HTR3B: variants seen among roughly 807,000 people sequenced by gnomAD.
The protein encoded by HTR3B is 5-hydroxytryptamine (serotonin) receptor 3B, ionotropic.
Under a neutral mutation model 42.8 loss-of-function variants are expected in HTR3B, and 44 were observed. That is an observed-to-expected ratio of 1.03 (90% CI 0.81 to 1.32). HTR3B has a LOEUF of 1.32. Among genes scored for constraint, HTR3B ranks in the 40% most tolerant of loss-of-function variants. The pLI is 0.00. For synonymous variants in HTR3B, 203 were observed against 209.0 expected, an observed-to-expected ratio of 0.97 and a Z score of 0.25; for missense variants, 527 against 536.5, an observed-to-expected ratio of 0.98 and a Z score of 0.17.
intron 2 of HTR3B, among the ~76,000 whole-genome samples, chr11:113,919,356 G>A (rs1949889741): frequency 6.6e-6 from 1 of 152,116 alleles, no homozygotes; most frequent in African/African-American, 2.4e-5. Flanking sequence ...CCCACAAAAT[G>A]ATGTTATTAT....
At chr11:113,936,492 C>A (rs955023229) in intron 6 of HTR3B, among the ~76,000 whole-genome samples, 1 of 151,980 alleles carries the variant, frequency 6.6e-6, no homozygotes, top group African/African-American at 2.4e-5. Flanking sequence ...TTATTGAATG[C>A]AGCTTATAAA....
chr11:113,944,511 A>C, intron 7 of HTR3B, 62 bp from the exon 8 acceptor site: 2 of 1,555,450 alleles, frequency 1.3e-6, no homozygotes, highest in Non-Finnish European at 1.8e-6. Flanking sequence ...TAAAGAAAAC[A>C]AAAAAATCTG....
chr11:113,905,802 G>A (rs1458280861), intron 1 of HTR3B, among the ~76,000 whole-genome samples: 1 of 152,148 alleles, frequency 6.6e-6, no homozygotes, highest in Non-Finnish European at 1.5e-5. Flanking sequence ...AGTGGAATGA[G>A]TCAATTATAG....
In HTR3B at chr11:113,946,272, A is replaced by AGGAGGATT. The variant is rs1950179037; in HGVS notation, c.*137_*144dup. ...TCCCAGTGCTTTGGGAGGCCATAGC[A>AGGAGGATT]GGAGGATTGCTTGAGCCCAGGAGTT... On this transcript the variant is annotated 3_prime_UTR_variant, in exon 9 of 9. Transcript: ENST00000260191. 5 of 673,568 alleles carry AGGAGGATT rather than the reference A, an allele frequency of 7.4e-6. No homozygotes were observed. In the African/African-American group the frequency reaches 8.9e-5, roughly 12 times the overall value. The allele number at this position is 673,568 out of a possible 1,614,324, so 41.7% of individuals were successfully genotyped here. A position where few individuals can be genotyped will look rare whatever the true frequency, so the allele number is the denominator to read the frequency against.
At chr11:113,942,924 C>A in intron 6 of HTR3B, 58 bp from the exon 7 acceptor site, 1 of 1,519,744 alleles carries the variant, frequency 6.6e-7, no homozygotes, top group African/African-American at 1.4e-5. Flanking sequence ...TGAATTTGGC[C>A]AAATCTGAGT....
At position 113,931,799 on chromosome 11, in the gene HTR3B, T is replaced by G. The variant is rs781003026; in HGVS notation, c.300T>G (p.Phe100Leu). Residue 100 changes from phenylalanine (F) to leucine (L), a missense_variant, in exon 4 of 9, where the codon TTT becomes TTG. Transcript: ENST00000260191. Reference protein sequence around the residue: ...DEFLSWNSSMFDEIREISLPL... With the variant: ...DEFLSWNSSMLDEIREISLPL... ...TTTTATCCTGGAACTCCAGCATGTT[T>G]GATGAGATTAGAGAGATCTCCCTAC... is the stretch of plus-strand genomic sequence containing the variant. 8 of 1,612,998 alleles carry G rather than the reference T, an allele frequency of 5.0e-6. No homozygotes were observed. The African/African-American group carries it at 5.3e-5, about 11-fold the overall frequency.
rs1244207275 is a variant in HTR3B at position 113,904,937 on chromosome 11, T to C, written c.4T>C (p.Leu2=). Reference sequence around the variant, plus strand: ...CCTTTTTGGGATCTGCCCAGGAATGTTGTCAAGTGTAATGGCTCCCCTGTG... The same window carrying C: ...CCTTTTTGGGATCTGCCCAGGAATGCTGTCAAGTGTAATGGCTCCCCTGTG... The part of the protein sequence containing the change: M[L]SSVMAPLWAC... The change falls in exon 1 of 9, where the codon TTG becomes CTG. Residue 2 remains leucine (L), a synonymous_variant. Coordinates refer to ENST00000260191, the MANE Select transcript of HTR3B (RefSeq NM_006028.5). 1.1e-5 allele frequency: 17 copies of C among 1,613,516 alleles called. No individual in the cohort carries two copies. The highest frequency in any genetic ancestry group is 1.4e-5 in the Non-Finnish European group (16 of 1,179,618).
intron 2 of HTR3B, among the ~76,000 whole-genome samples, chr11:113,913,350 A>ATTTTTTTTTTTTTTTTTTTTTTTT (rs71063533): frequency 2.9e-4 from 18 of 61,520 alleles, no homozygotes; most frequent in Admixed American, 5.1e-4. Flanking sequence ...TGTCTGGCTA[A>ATTTTTTTTTTTTTTTTTTTTTTTT]TTTTTTTTTT....
chr11:113,904,636 T>G (rs1591567313), upstream of HTR3B: 1 of 337,656 alleles, frequency 3.0e-6, no homozygotes, highest in East Asian at 5.7e-5. Context: ...ATTACATTAT[T>G]CACTTAGCTA....
Position 113,932,413 on chromosome 11 carries a change from G to T in HTR3B, c.493G>T (p.Asp165Tyr). 6.2e-7 allele frequency: 1 copy of T among 1,614,110 alleles called. No individual in the cohort carries two copies. The highest frequency in any genetic ancestry group is 8.5e-7 in the Non-Finnish European group (1 of 1,179,990). The change falls in exon 5 of 9, where the codon GAT becomes TAT. Residue 165 changes from aspartate to tyrosine, a missense_variant. Transcript: ENST00000260191. Reference protein sequence around the residue: ...CSLETYAFPFDVQNCSLTFKS... With the variant: ...CSLETYAFPFYVQNCSLTFKS... ...TTTAGAGACATATGCTTTTCCATTT[G>T]ATGTCCAGAATTGCAGCCTGACCTT...
intron 1 of HTR3B, among the ~76,000 whole-genome samples, 157 bp downstream of exon 1, chr11:113,905,142 G>T (rs1368393762): frequency 6.6e-6 from 1 of 152,174 alleles, no homozygotes; most frequent in Non-Finnish European, 1.5e-5. Flanking sequence ...GGAAAACAAT[G>T]ATTTGTTTGT....
intron 1 of HTR3B, among the ~76,000 whole-genome samples, chr11:113,906,737 A>G (rs1298089625): frequency 6.6e-6 from 1 of 152,126 alleles, no homozygotes; most frequent in Non-Finnish European, 1.5e-5. Flanking sequence ...TGCAAGCTTC[A>G]TGACCTTGGG....
Position 113,932,313 on chromosome 11 carries a change from C to A in HTR3B, c.393C>A (p.Asp131Glu), listed in dbSNP as rs1409527052. ...GTGTGGACATTGAAAGATACCCTGA[C>A]CTTCCCTATGTTTATGTGAACTCAT... ...NEFVDIERYP[D>E]LPYVYVNSSG... Residue 131 changes from aspartate (D) to glutamate (E), a missense_variant, in exon 5 of 9, where the codon GAC becomes GAA. Physicochemically the swap from Asp to Glu is conservative, Grantham distance 45. Transcript: ENST00000260191. The A allele has an allele frequency of 6.2e-7, 1 of 1,613,032 alleles. No homozygotes were observed.
chr11:113,932,902 C>G (rs1488869223), intron 5 of HTR3B, 34 bp from the exon 6 acceptor site: 3 of 1,604,280 alleles, frequency 1.9e-6, no homozygotes, highest in Admixed American at 1.7e-5. Flanking sequence ...ATCTCTTTCT[C>G]TCTGGGAAAG....
rs2137546177 is a variant in HTR3B, at chr11:113,948,175, T to C, written c.*2038T>C. Among the ~76,000 whole-genome samples, 1 of 152,328 alleles carries C rather than the reference T, an allele frequency of 6.6e-6. No homozygotes were observed. Among genetic ancestry groups the C allele is most frequent in the Non-Finnish European group, 1.5e-5 (1 of 68,030 alleles). ...AACCTCCACCTGTTTCCTTCCTCACTTCCTACTTTCTACTGCTGGCCTCCT... is the reference window on the plus strand; with the variant it reads ...AACCTCCACCTGTTTCCTTCCTCACCTCCTACTTTCTACTGCTGGCCTCCT... On this transcript the variant is annotated 3_prime_UTR_variant, in exon 9 of 9. Transcript: ENST00000260191.
At chr11:113,927,804 C>T (rs1159205858) in intron 2 of HTR3B, among the ~76,000 whole-genome samples, 2 of 152,112 alleles carry the variant, frequency 1.3e-5, no homozygotes, top group Non-Finnish European at 2.9e-5. Flanking sequence ...TTGATCCTCC[C>T]ACCTCGGCCT....
intron 1 of HTR3B, 75 bp downstream of exon 1, chr11:113,905,060 G>T (rs141329468): frequency 8.9e-6 from 9 of 1,015,644 alleles, no homozygotes; most frequent in Non-Finnish European, 1.4e-5. Flanking sequence ...TGTATACACC[G>T]TACTGTAGGA....
chr11:113,932,848 G>A (rs1408059276), intron 5 of HTR3B, 88 bp from the exon 6 acceptor site: 23 of 1,367,590 alleles, frequency 1.7e-5, no homozygotes, highest in Non-Finnish European at 2.1e-5. Context: ...AGGAGAACGA[G>A]GAAGGATTCG....
At chr11:113,908,947 T>C in intron 1 of HTR3B, 1 of 350,202 alleles carries the variant, frequency 2.9e-6, no homozygotes, top group Non-Finnish European at 5.1e-6. Context: ...AGTGTGTAGG[T>C]GGGTTTTTTC....
Sources: gnomAD v4.1 joint callset for allele counts (sites outside exome capture counted in the v4.1 genomes callset) on GRCh38, gnomAD v4.1.1 for gene constraint, MANE v1.5 for transcripts, NCBI Gene and HGNC (gene_info 2026-07-23, HGNC 2026-07-21) for gene names.